CAB39L: variants seen among roughly 807,000 people sequenced by gnomAD.
CAB39L encodes calcium-binding protein 39-like.
A neutral mutation model predicts 39.1 loss-of-function variants in CAB39L; 23 were observed. The ratio of observed to expected loss-of-function variants is 0.59; its 90% CI spans 0.42 to 0.83. The LOEUF (loss-of-function observed/expected upper bound fraction) is 0.83, where lower values mean the gene tolerates loss of function less well. Ranked by LOEUF, CAB39L falls within the 40% of genes least tolerant of loss-of-function variation. CAB39L has a pLI of 0.00. For synonymous variants in CAB39L, 126 were observed against 137.2 expected, an observed-to-expected ratio of 0.92 and a Z score of 0.57; for missense variants, 366 against 391.9, an observed-to-expected ratio of 0.93 and a Z score of 0.56.
chr13:49,319,604 T>G (rs1443414288), intron 10 of CAB39L, among the ~76,000 whole-genome samples: 2 of 151,632 alleles, frequency 1.3e-5, no homozygotes, highest in Non-Finnish European at 2.9e-5. Context: ...TTATGTTATG[T>G]GAATTTTACC....
chr13:49,440,450 T>C (rs896833705), intron 1 of CAB39L, among the ~76,000 whole-genome samples: 1 of 152,088 alleles, frequency 6.6e-6, no homozygotes, highest in Non-Finnish European at 1.5e-5. Context: ...TCTGCTCCAT[T>C]GGCCTATATG....
chr13:49,399,241 G>A (rs1021094019), intron 3 of CAB39L, among the ~76,000 whole-genome samples: 1 of 151,922 alleles, frequency 6.6e-6, no homozygotes, highest in Non-Finnish European at 1.5e-5. Context: ...CAAACTCAAT[G>A]GCCAGAAATA....
Position 49,350,956 on chromosome 13 carries a change from T to C in CAB39L, c.396-44A>G, listed in dbSNP as rs141623873. ...AGAAATAGAGAACTCTGTTATCCTA[T>C]TAAAATAATATTAATGGCATCAAAA... On this transcript the variant is annotated intron_variant, in intron 6 of 10. Transcript: ENST00000409308. 6.7e-4 allele frequency: 942 copies of C among 1,408,160 alleles called. 4 individuals carry two copies. The African/African-American group carries it at 0.013, about 19-fold the overall frequency. The allele number at this position is 1,408,160 out of a possible 1,614,324, so 87.2% of individuals were successfully genotyped here.
At chr13:49,319,036 G>A (rs1954272295) in intron 10 of CAB39L, among the ~76,000 whole-genome samples, 1 of 152,064 alleles carries the variant, frequency 6.6e-6, no homozygotes, top group African/African-American at 2.4e-5. Flanking sequence ...TTGAGGTCAG[G>A]GGTTCATGAC....
chr13:49,328,505 A>G (rs569221070), intron 10 of CAB39L, among the ~76,000 whole-genome samples: 22 of 152,022 alleles, frequency 1.4e-4, no homozygotes, highest in South Asian at 6.2e-4. Context: ...TTCTTTTTTG[A>G]ACAGAAGTTT....
intron 6 of CAB39L, among the ~76,000 whole-genome samples, chr13:49,354,294 A>G (rs1410750884): frequency 6.6e-6 from 1 of 152,224 alleles, no homozygotes; most frequent in Admixed American, 6.5e-5. Flanking sequence ...TCAGAAATAC[A>G]TAGGGATATA....
At chr13:49,313,885 T>C (rs956757851) in intron 10 of CAB39L, among the ~76,000 whole-genome samples, 1 of 152,072 alleles carries the variant, frequency 6.6e-6, no homozygotes, top group African/African-American at 2.4e-5. Flanking sequence ...TGGCTAAGCC[T>C]TTAAGGTTCC....
In CAB39L at chr13:49,328,396, C is replaced by T. The variant is rs1593916491; in HGVS notation, c.834+3551G>A. On this transcript the variant is annotated intron_variant, in intron 10 of 10. Coordinates refer to ENST00000409308, the MANE Select transcript of CAB39L (RefSeq NM_001079670.3). ...TCAGGTTTCCTCATCTGTAAACTAC[C>T]AACTTGTATCTTTTACCAATTTTTC... Among the ~76,000 whole-genome samples the T allele has an allele frequency of 2.0e-5, 3 of 152,276 alleles. No homozygotes were observed. The East Asian group carries it at 5.8e-4, about 29-fold the overall frequency.
chr13:49,363,428 A>G (rs576650300), intron 5 of CAB39L, among the ~76,000 whole-genome samples: 1 of 152,242 alleles, frequency 6.6e-6, no homozygotes, highest in South Asian at 2.1e-4. Context: ...GTTGTCATCA[A>G]TTTAAAACAA....
At chr13:49,318,024 C>A (rs191268666) in intron 10 of CAB39L, among the ~76,000 whole-genome samples, 32 of 152,248 alleles carry the variant, frequency 2.1e-4, no homozygotes, top group African/African-American at 7.7e-4. Flanking sequence ...CTCAAAATCA[C>A]TAGTCATTAT....
At chr13:49,338,487 T>C in intron 9 of CAB39L, among the ~76,000 whole-genome samples, 1 of 116,708 alleles carries the variant, frequency 8.6e-6, no homozygotes, top group Non-Finnish European at 1.7e-5. Flanking sequence ...AACATCACAC[T>C]CTGGGGACTG....
intron 6 of CAB39L, among the ~76,000 whole-genome samples, chr13:49,351,682 A>G (rs186420762): frequency 6.6e-6 from 1 of 152,374 alleles, no homozygotes; most frequent in Non-Finnish European, 1.5e-5. Flanking sequence ...ATATAAGAAC[A>G]GGAGCAGAAC....
intron 3 of CAB39L, among the ~76,000 whole-genome samples, chr13:49,428,507 C>T (rs949085643): frequency 1.3e-5 from 2 of 152,074 alleles, no homozygotes; most frequent in South Asian, 2.1e-4. Flanking sequence ...ATCCACAGGG[C>T]GCAAATACCA....
In CAB39L at chr13:49,329,545, ATAT is replaced by A. The variant is rs1237967581; in HGVS notation, c.834+2399_834+2401del. ...CATATCTCTTCAATTAAAAAAAAAA[ATAT>A]ATATATATATATATATATATATATA... is the stretch of plus-strand genomic sequence containing the variant. On this transcript the variant is annotated intron_variant, in intron 10 of 10. Coordinates refer to ENST00000409308, the MANE Select transcript of CAB39L (RefSeq NM_001079670.3). 2.0e-3 allele frequency among the ~76,000 whole-genome samples: 169 copies of A among 84,420 alleles called. 8 individuals carry two copies. Among genetic ancestry groups the A allele is most frequent in the East Asian group, 0.018 (37 of 2,092 alleles). 55.4% of individuals were successfully genotyped at this position (84,420 alleles called of 152,430 possible). A position where few individuals can be genotyped will look rare whatever the true frequency, so the allele number is the denominator to read the frequency against.
At chr13:49,399,443 C>T (rs1448345001) in intron 3 of CAB39L, among the ~76,000 whole-genome samples, 1 of 152,032 alleles carries the variant, frequency 6.6e-6, no homozygotes, top group East Asian at 1.9e-4. Flanking sequence ...TCTTATCCAA[C>T]ATAATTATTT....
intron 5 of CAB39L, among the ~76,000 whole-genome samples, chr13:49,366,507 A>G (rs1955775076): frequency 6.6e-6 from 1 of 151,620 alleles, no homozygotes; most frequent in Non-Finnish European, 1.5e-5. Context: ...CGCACCTATA[A>G]TCCCAGCTAC....
chr13:49,346,116 T>TATATATATATATATATATATATATATAC (rs1955161603), intron 7 of CAB39L, among the ~76,000 whole-genome samples: 1 of 56,854 alleles, frequency 1.8e-5, no homozygotes, highest in Non-Finnish European at 3.5e-5. Context: ...TATATATATA[T>TATATATATATATATATATATATATATAC]ATATATATCA....
intron 4 of CAB39L, among the ~76,000 whole-genome samples, chr13:49,377,985 G>C (rs1376124526): frequency 1.3e-5 from 1 of 79,986 alleles, no homozygotes; most frequent in East Asian, 2.2e-4. Context: ...CTGAGATGTG[G>C]GGAGCGCTTC....
At position 49,411,981 on chromosome 13, in the gene CAB39L, C is replaced by T. The variant is rs557085841; in HGVS notation, c.-32+21337G>A. Among the ~76,000 whole-genome samples the T allele has an allele frequency of 8.5e-5, 13 of 152,186 alleles. No homozygotes were observed. The East Asian group carries it at 2.1e-3, about 25-fold the overall frequency. On this transcript the variant is annotated intron_variant, in intron 3 of 10. Coordinates refer to ENST00000409308, the MANE Select transcript of CAB39L (RefSeq NM_001079670.3). ...AAGCAGTTGGTTCTCTTGCCTAGCC[C>T]ACTGCCACTGGACTCTCTTCCCTGT...
Sources: gnomAD v4.1 joint callset for allele counts (sites outside exome capture counted in the v4.1 genomes callset) on GRCh38, gnomAD v4.1.1 for gene constraint, MANE v1.5 for transcripts, NCBI Gene and HGNC (gene_info 2026-07-23, HGNC 2026-07-21) for gene names.